Variants in PTPRK observed in about 807,000 individuals in gnomAD.
PTPRK encodes the protein protein tyrosine phosphatase receptor type K.
In PTPRK, 75 loss-of-function variants were observed where a neutral mutation model predicts 178.0. That is an observed-to-expected ratio of 0.42 (90% CI 0.35 to 0.51). The LOEUF (loss-of-function observed/expected upper bound fraction) is 0.51. PTPRK is among the 20% of genes least tolerant of loss of function. The pLI is 0.02. For missense variants in PTPRK, 1,441 were observed against 1,797.8 expected (o/e 0.80, Z 3.59); for synonymous variants, 637 against 620.6 (o/e 1.03, Z -0.39).
intron 2 of PTPRK, among the ~76,000 whole-genome samples, chr6:128,362,037 T>A (rs1172965886): frequency 6.6e-6 from 1 of 152,150 alleles, no homozygotes; most frequent in African/African-American, 2.4e-5. Context: ...TGTTAGGCCA[T>A]TCTTGCAATT....
intron 1 of PTPRK, among the ~76,000 whole-genome samples, chr6:128,498,870 T>C (rs1442528227): frequency 6.6e-6 from 1 of 152,194 alleles, no homozygotes; most frequent in African/African-American, 2.4e-5. Context: ...CTCACAAGTT[T>C]TACAGTTGAT....
intron 14 of PTPRK, among the ~76,000 whole-genome samples, chr6:128,007,141 T>C (rs1778529338): frequency 2.0e-5 from 3 of 150,912 alleles, no homozygotes. Context: ...GCTATATCTA[T>C]ACTTTTTTAT....
At chr6:128,192,948 GGGAA>G (rs922928438) in intron 6 of PTPRK, among the ~76,000 whole-genome samples, 27 of 149,310 alleles carry the variant, frequency 1.8e-4, no homozygotes, top group African/African-American at 4.7e-4. Context: ...GAGGGAAGGA[GGGAA>G]GGAAGGAAGG....
chr6:127,984,201 C>T (rs78903117), intron 22 of PTPRK, among the ~76,000 whole-genome samples: 8,015 of 152,136 alleles, frequency 0.053, 710 homozygotes, highest in African/African-American at 0.18. Flanking sequence ...GGGTGATTGG[C>T]ATATGCGTCC....
intron 3 of PTPRK, among the ~76,000 whole-genome samples, chr6:128,306,549 A>G (rs1584048307): frequency 6.6e-6 from 1 of 152,200 alleles, no homozygotes. Flanking sequence ...TAACCCCAAC[A>G]TTTCAGGAGG....
chr6:128,289,020 C>T (rs943532682), intron 3 of PTPRK, among the ~76,000 whole-genome samples: 1 of 152,110 alleles, frequency 6.6e-6, no homozygotes. Flanking sequence ...TCTATGGTCA[C>T]TATGGCTACA....
chr6:128,036,338 G>A (rs1419662959), intron 13 of PTPRK, among the ~76,000 whole-genome samples: 2 of 152,198 alleles, frequency 1.3e-5, no homozygotes, highest in Non-Finnish European at 2.9e-5. Context: ...TAACCAAATT[G>A]TAAGATGGTT....
At chr6:128,223,291 T>C (rs1368139641) in intron 5 of PTPRK, among the ~76,000 whole-genome samples, 1 of 151,992 alleles carries the variant, frequency 6.6e-6, no homozygotes, top group Non-Finnish European at 1.5e-5. Flanking sequence ...TAGGCTTTTA[T>C]TAAGTTATAA....
In PTPRK at chr6:128,005,341, T is replaced by C. The variant is rs187264044; in HGVS notation, c.2334-97A>G. ...AGTCCAGGTGAGCCCGAGGATAATG[T>C]TACAAACATGGTTTAGAAACCCCAA... On this transcript the variant is annotated intron_variant, in intron 14 of 29. Coordinates refer to ENST00000368226, the MANE Select transcript of PTPRK (RefSeq NM_002844.4). The C allele has an allele frequency of 1.3e-4, 156 of 1,232,424 alleles. 1 individual carries two copies. The African/African-American group carries it at 2.0e-3, about 16-fold the overall frequency. 76.3% of individuals were successfully genotyped at this position (1,232,424 alleles called of 1,614,324 possible).
intron 10 of PTPRK, among the ~76,000 whole-genome samples, chr6:128,080,440 G>A (rs993134840): frequency 7.9e-5 from 12 of 152,116 alleles, no homozygotes; most frequent in African/African-American, 2.6e-4. Flanking sequence ...TAAGTCTGAA[G>A]GTAGGGATAC....
At chr6:128,222,917 T>A in intron 5 of PTPRK, among the ~76,000 whole-genome samples, 1 of 152,176 alleles carries the variant, frequency 6.6e-6, no homozygotes, top group East Asian at 1.9e-4. Flanking sequence ...TGATCTATGG[T>A]ATCTAGCTCC....
intron 7 of PTPRK, among the ~76,000 whole-genome samples, chr6:128,117,653 T>C (rs994380835): frequency 6.6e-6 from 1 of 152,136 alleles, no homozygotes; most frequent in Non-Finnish European, 1.5e-5. Context: ...TAAATATTCA[T>C]ATTATTTATG....
At chr6:128,307,998 C>T (rs1249492325) in intron 3 of PTPRK, among the ~76,000 whole-genome samples, 1 of 151,878 alleles carries the variant, frequency 6.6e-6, no homozygotes, top group Non-Finnish European at 1.5e-5. Context: ...AAAATATTAC[C>T]ACTAGAAAAC....
intron 5 of PTPRK, among the ~76,000 whole-genome samples, chr6:128,228,568 G>T (rs889056450): frequency 1.3e-5 from 2 of 150,948 alleles, no homozygotes; most frequent in African/African-American, 4.9e-5. Flanking sequence ...GCTGAGGCAG[G>T]AGAATGGCGT....
At chr6:128,109,738 C>A (rs1202638697) in intron 7 of PTPRK, among the ~76,000 whole-genome samples, 1 of 152,114 alleles carries the variant, frequency 6.6e-6, no homozygotes, top group Non-Finnish European at 1.5e-5. Flanking sequence ...ATTTTCAAAA[C>A]AAGCCCAGTA....
intron 7 of PTPRK, among the ~76,000 whole-genome samples, chr6:128,103,179 G>C (rs1789080259): frequency 6.6e-6 from 1 of 152,044 alleles, no homozygotes; most frequent in Non-Finnish European, 1.5e-5. Flanking sequence ...GGCTGGGGAA[G>C]GCTGGAGAGG....
At chr6:128,286,521 C>G (rs1158655744) in intron 3 of PTPRK, among the ~76,000 whole-genome samples, 2 of 152,066 alleles carry the variant, frequency 1.3e-5, no homozygotes, top group South Asian at 2.1e-4. Flanking sequence ...CCATTTCTCT[C>G]CTTATTATGT....
intron 24 of PTPRK, among the ~76,000 whole-genome samples, chr6:127,982,090 G>T (rs1775411419): frequency 1.3e-5 from 2 of 152,170 alleles, no homozygotes; most frequent in South Asian, 4.1e-4. Flanking sequence ...TGCCTGCCTT[G>T]GCATCCCAAA....
intron 6 of PTPRK, among the ~76,000 whole-genome samples, chr6:128,199,744 C>A (rs1449123398): frequency 6.6e-6 from 1 of 152,172 alleles, no homozygotes; most frequent in Non-Finnish European, 1.5e-5. Flanking sequence ...GCATGTATGG[C>A]AAAATCTAAT....
Sources: gnomAD v4.1 joint callset for allele counts (sites outside exome capture counted in the v4.1 genomes callset) on GRCh38, gnomAD v4.1.1 for gene constraint, MANE v1.5 for transcripts, NCBI Gene and HGNC (gene_info 2026-07-23, HGNC 2026-07-21) for gene names.